Variants in OBSL1 observed in about 807,000 individuals in gnomAD.
OBSL1 encodes the protein obscurin like cytoskeletal adaptor 1.
Under a neutral mutation model 172.0 loss-of-function variants are expected in OBSL1, and 160 were observed. The ratio of observed to expected loss-of-function variants is 0.93; its 90% CI spans 0.82 to 1.06. The LOEUF is 1.06. Ranked by LOEUF, OBSL1 falls within the 50% of genes least tolerant of loss-of-function variation. OBSL1 has a pLI of 0.00. For missense variants in OBSL1, 2,681 were observed against 2,715.4 expected, an observed-to-expected ratio of 0.99 and a Z score of 0.28; for synonymous variants, 1,200 against 1,196.3, an observed-to-expected ratio of 1.00 and a Z score of -0.06.
intron 1 of OBSL1, chr2:219,569,503 C>T (rs1374101148): frequency 3.9e-5 from 6 of 152,326 alleles, no homozygotes; most frequent in Middle Eastern, 3.4e-3. Flanking sequence ...GAGAATGTAA[C>T]CATTTATTGG....
downstream of OBSL1, among the ~76,000 whole-genome samples, chr2:219,548,542 G>A (rs1574506842): frequency 6.6e-6 from 1 of 152,224 alleles, no homozygotes. Context: ...GGCCAGCCAT[G>A]CAAAGAGCTA....
intron 15 of OBSL1, among the ~76,000 whole-genome samples, chr2:219,553,986 G>C (rs763901599): frequency 6.6e-6 from 1 of 151,902 alleles, no homozygotes; most frequent in Non-Finnish European, 1.5e-5. Flanking sequence ...GATGCCAGTG[G>C]AGTGGTCAGT....
chr2:219,550,875 AG>A lies in OBSL1; in HGVS notation c.5684-34del. On this transcript the variant is annotated intron_variant, in intron 20 of 20. Transcript: ENST00000404537. ...GGAATGACTCCACATGGGGCTGGGG[AG>A]AGAAGGGGGTACCACCTTCCTCTCC... 6.0e-6 allele frequency: 3 copies of A among 500,304 alleles called. No homozygotes were observed. In the East Asian group the frequency reaches 1.6e-4, roughly 27 times the overall value. 31.0% of individuals were successfully genotyped at this position (500,304 alleles called of 1,614,324 possible).
At position 219,552,534 on chromosome 2, in the gene OBSL1, A is replaced by T. The variant is rs779160746; in HGVS notation, c.5308+2T>A. 3 of 1,595,216 alleles carry T rather than the reference A, an allele frequency of 1.9e-6. No individual in the cohort carries two copies. Among genetic ancestry groups the T allele is most frequent in the South Asian group, 1.1e-5 (1 of 90,300 alleles). On this transcript the variant is annotated splice_donor_variant, in intron 18 of 20. Coordinates refer to ENST00000404537, the MANE Select transcript of OBSL1 (RefSeq NM_015311.3). LOFTEE classifies it high-confidence loss of function. ...CCCGAAAGGGTAACCAGGCGGGCAGACCTTCCTGTCGGATGCGGACGCGGG... is the reference window on the plus strand; with the variant it reads ...CCCGAAAGGGTAACCAGGCGGGCAGTCCTTCCTGTCGGATGCGGACGCGGG...
chr2:219,563,588 AAC>A lies in OBSL1; in HGVS notation c.2445_2446del (p.Phe816ArgfsTer14). The stretch of plus-strand genomic sequence containing the variant: ...ACACTCGGAAGTTATGGCATGCACG[AAC>A]ACATGTTCTCGGGGGTCCACGATGT... On this transcript the variant is annotated frameshift_variant, in exon 7 of 21. Transcript: ENST00000404537. LOFTEE classifies it high-confidence loss of function. 1 of 1,613,090 alleles carries A rather than the reference AAC, an allele frequency of 6.2e-7. No individual in the cohort carries two copies.
At chr2:219,551,860 T>C in intron 19 of OBSL1, 62 bp from the exon 20 acceptor site, 1 of 1,066,866 alleles carries the variant, frequency 9.4e-7, no homozygotes, top group Non-Finnish European at 1.4e-6. Flanking sequence ...GGAGGAGAGA[T>C]GCATCTTCCC....
At chr2:219,548,066 G>T (rs1254625181), downstream of OBSL1, 2 of 1,564,348 alleles carry the variant, frequency 1.3e-6, no homozygotes, top group African/African-American at 1.3e-5. Flanking sequence ...AGCTGAGGGG[G>T]ACTCCCACAC....
intron 5 of OBSL1, among the ~76,000 whole-genome samples, chr2:219,566,572 T>C (rs951504136): frequency 1.3e-5 from 2 of 152,040 alleles, no homozygotes; most frequent in African/African-American, 4.8e-5. Flanking sequence ...TCTGACAGGA[T>C]TCTGTAAACC....
At chr2:219,551,176 G>A in intron 20 of OBSL1, 4 of 1,388,218 alleles carry the variant, frequency 2.9e-6, no homozygotes, top group Non-Finnish European at 3.7e-6. Context: ...GAAGGAGGAG[G>A]GACAGGCTGG....
At chr2:219,570,190 G>A (rs1449923155) in intron 1 of OBSL1, 31 bp downstream of exon 1, 1 of 1,495,800 alleles carries the variant, frequency 6.7e-7, no homozygotes, top group Admixed American at 2.3e-5. Flanking sequence ...GACACTCGAG[G>A]CCCCTCCCTA....
rs1258445284 is a variant in OBSL1, at chr2:219,559,305, G to A, written c.3146C>T (p.Pro1049Leu). 2 of 1,614,000 alleles carry A rather than the reference G, an allele frequency of 1.2e-6. No homozygotes were observed. Among genetic ancestry groups the A allele is most frequent in the Non-Finnish European group, 8.5e-7 (1 of 1,179,890 alleles). Residue 1049 changes from proline (P) to leucine (L), a missense_variant, in exon 9 of 21, where the codon CCT becomes CTT. Pro to Leu is a moderately conservative substitution (Grantham distance 98, BLOSUM62 -3). Transcript: ENST00000404537. ...RDGPRCRLVLPAAQPEDGGEF... is the reference protein window; with the variant it reads ...RDGPRCRLVLLAAQPEDGGEF... ...GCCCCCGTCCTCGGGCTGAGCAGCA[G>A]GTAGCACCAGGCGGCAGCGTGGCCC...
At chr2:219,549,994 T>C (rs1419942099), downstream of OBSL1, 2 of 1,187,506 alleles carry the variant, frequency 1.7e-6, no homozygotes, top group South Asian at 1.5e-5. Context: ...GAAGGGAGGA[T>C]TGTCTCAGGC....
At chr2:219,553,059 C>A in intron 16 of OBSL1, 35 bp from the exon 17 acceptor site, 1 of 1,444,030 alleles carries the variant, frequency 6.9e-7, no homozygotes. Context: ...CGGGGCGAGC[C>A]CGGCTGGGCA....
In OBSL1 at chr2:219,567,964, T is replaced by C; in HGVS notation, c.1288A>G (p.Ile430Val). Reference protein sequence around the residue: ...TVANVTVKGPILKRLPRKLDV... With the variant: ...TVANVTVKGPVLKRLPRKLDV... ...AGCTTCCGGGGCAGGCGCTTCAGGA[T>C]GGGCCCTGAGATGCGGACAGGAATC... Residue 430 changes from isoleucine to valine, a missense_variant, in exon 3 of 21, where the codon ATC (isoleucine) becomes GTC (valine). By Grantham distance (29) the Ile-to-Val change is conservative. Around this residue, in one of 5 missense-constraint regions of OBSL1, gnomAD observed 706 missense variants for 695.8 expected, o/e 1.01. Coordinates refer to ENST00000404537, the MANE Select transcript of OBSL1 (RefSeq NM_015311.3). The C allele has an allele frequency of 6.2e-7, 1 of 1,613,708 alleles. No homozygotes were observed. Among genetic ancestry groups the C allele is most frequent in the Non-Finnish European group, 8.5e-7 (1 of 1,179,848 alleles).
chr2:219,549,071 C>G, downstream of OBSL1: 1 of 1,514,454 alleles, frequency 6.6e-7, no homozygotes, highest in South Asian at 1.2e-5. Context: ...CCTAGAGCCA[C>G]AGGTGGGATG....
Position 219,561,815 on chromosome 2 carries a change from G to A in OBSL1, c.2953+587C>T, listed in dbSNP as rs887312851. The A allele has an allele frequency of 4.2e-5, 30 of 713,424 alleles. 1 individual carries two copies. The South Asian group carries it at 4.3e-4, about 10-fold the overall frequency. 44.2% of individuals were successfully genotyped at this position (713,424 alleles called of 1,614,324 possible). On this transcript the variant is annotated intron_variant, in intron 8 of 20. Transcript: ENST00000404537. ...TAGGTTAGCGGCTGAAGCAGTCTGGGGAGAGGCAAAAAGCAATGGCAGGGA... is the reference window on the plus strand; with the variant it reads ...TAGGTTAGCGGCTGAAGCAGTCTGGAGAGAGGCAAAAAGCAATGGCAGGGA...
intron 1 of OBSL1, among the ~76,000 whole-genome samples, chr2:219,569,963 C>G (rs924484586): frequency 6.6e-6 from 1 of 152,232 alleles, no homozygotes; most frequent in East Asian, 1.9e-4. Context: ...ATTTGTACAT[C>G]AATCACTCCT....
In OBSL1 at chr2:219,558,041, A is replaced by G. The variant is rs761193057; in HGVS notation, c.3572T>C (p.Val1191Ala). ...CCGGGACAGTTCACAGCTCAGCACC[A>G]CTGGCTCCCCAGGGGCCACACAGAG... ...SPLCVAPGEP[V>A]VLSCELSRAG... is the part of the protein sequence containing the mutation. Residue 1191 changes from valine to alanine, a missense_variant, in exon 11 of 21, where the codon GTG (valine) becomes GCG (alanine). Val to Ala is a moderately conservative substitution (Grantham distance 64). This residue lies in a region of OBSL1 where 1,765 missense variants were observed against 1,748.3 expected (regional missense o/e 1.01). Coordinates refer to ENST00000404537, the MANE Select transcript of OBSL1 (RefSeq NM_015311.3). 6.2e-7 allele frequency: 1 copy of G among 1,613,508 alleles called. No individual in the cohort carries two copies. The highest frequency in any genetic ancestry group is 8.5e-7 in the Non-Finnish European group (1 of 1,179,812).
At chr2:219,559,140 G>C (rs1435775247) in intron 9 of OBSL1, 85 bp downstream of exon 9, 1 of 1,298,120 alleles carries the variant, frequency 7.7e-7, no homozygotes, top group African/African-American at 1.5e-5. Flanking sequence ...GCTGGGGATG[G>C]GGTGGGGGAG....
Sources: allele counts gnomAD v4.1 joint callset (sites outside exome capture counted in the v4.1 genomes callset), GRCh38; gene constraint gnomAD v4.1.1; regional missense constraint gnomAD v4.1.1; transcripts MANE v1.5; gene names NCBI Gene and HGNC (gene_info 2026-07-23, HGNC 2026-07-21).